The following DISC1 variants were observed in gnomAD, a reference collection of about 807,000 sequenced individuals.
The protein encoded by DISC1 is DISC1 scaffold protein.
DISC1 carries 57 observed loss-of-function variants against 84.5 expected under a neutral mutation model. The ratio of observed to expected loss-of-function variants is 0.67; its 90% CI spans 0.55 to 0.84. The LOEUF is 0.84. Among genes scored for constraint, DISC1 ranks in the 40% least tolerant of loss-of-function variants. The probability of loss-of-function intolerance (pLI) is 0.00; values close to 1 mark genes in which losing one functional copy is unlikely to be tolerated. For synonymous variants in DISC1, 411 were observed against 415.2 expected (o/e 0.99, Z 0.12); for missense variants, 1,000 against 1,057.8 (o/e 0.95, Z 0.76).
At chr1:232,027,934 A>T (rs1669631043) in intron 12 of DISC1, among the ~76,000 whole-genome samples, 1 of 152,026 alleles carries the variant, frequency 6.6e-6, no homozygotes, top group African/African-American at 2.4e-5. Flanking sequence ...TTATAACTTT[A>T]CATTTTTGAC....
At position 231,955,767 on chromosome 1, in the gene DISC1, G is replaced by A. The variant is rs142149915; in HGVS notation, c.1982-3061G>A. 3.6e-3 allele frequency among the ~76,000 whole-genome samples: 546 copies of A among 152,218 alleles called. 6 individuals carry two copies. Among genetic ancestry groups the A allele is most frequent in the African/African-American group, 0.013 (533 of 41,532 alleles). On this transcript the variant is annotated intron_variant, in intron 9 of 12. Coordinates refer to ENST00000439617, the MANE Select transcript of DISC1 (RefSeq NM_018662.3). ...AGCCTCCCAAAGTGCTGGGATTACA[G>A]GTGTGAGCTACCGCACCCAGCCAAC...
At chr1:231,855,745 T>A (rs1346981146) in intron 9 of DISC1, among the ~76,000 whole-genome samples, 1 of 152,208 alleles carries the variant, frequency 6.6e-6, no homozygotes, top group Non-Finnish European at 1.5e-5. Flanking sequence ...TTCTCTTCAG[T>A]TGGTCCATTT....
intron 9 of DISC1, among the ~76,000 whole-genome samples, chr1:231,824,552 G>A (rs1269486380): frequency 6.6e-6 from 1 of 152,102 alleles, no homozygotes; most frequent in Non-Finnish European, 1.5e-5. Context: ...CTATTAGTGT[G>A]ATTATTTCCC....
intron 5 of DISC1, among the ~76,000 whole-genome samples, chr1:231,770,467 G>A (rs2076465585): frequency 6.6e-6 from 1 of 152,094 alleles, no homozygotes; most frequent in Admixed American, 6.5e-5. Flanking sequence ...GTCTGTGGCT[G>A]GGGTAACCTG....
intron 6 of DISC1, among the ~76,000 whole-genome samples, chr1:231,780,070 C>T (rs2077284998): frequency 6.6e-6 from 1 of 151,508 alleles, no homozygotes; most frequent in Non-Finnish European, 1.5e-5. Flanking sequence ...GGGAATATCA[C>T]ACTCTGGGGA....
At chr1:231,904,676 A>G in intron 9 of DISC1, among the ~76,000 whole-genome samples, 1 of 151,948 alleles carries the variant, frequency 6.6e-6, no homozygotes, top group African/African-American at 2.4e-5. Flanking sequence ...AACAATGAAC[A>G]CCCCTAGAAT....
Position 231,694,267 on chromosome 1 carries a change from G to T in DISC1, c.509G>T (p.Arg170Leu), listed in dbSNP as rs760289681. The change falls in exon 2 of 13, where the codon CGT (arginine) becomes CTT (leucine). Residue 170 changes from arginine (R) to leucine (L), a missense_variant. Physicochemically the swap from Arg to Leu is moderately radical, Grantham distance 102. Around this residue, in one of 3 missense-constraint regions of DISC1, gnomAD observed 292 missense variants for 280.2 expected, o/e 1.04. Transcript: ENST00000439617. ...WEAACSDGAR[R>L]VRAAGSLPSA... is the part of the protein sequence containing the mutation. ...GCAGCCTGCAGCGATGGAGCAAGGC[G>T]TGTCCGGGCAGCAGGCTCTCTGCCA... 2 of 1,614,266 alleles carry T rather than the reference G, an allele frequency of 1.2e-6. No individual in the cohort carries two copies. Among genetic ancestry groups the T allele is most frequent in the Non-Finnish European group, 1.7e-6 (2 of 1,180,048 alleles).
intron 8 of DISC1, among the ~76,000 whole-genome samples, chr1:231,809,261 T>C (rs1429129186): frequency 1.3e-5 from 2 of 152,172 alleles, no homozygotes. Flanking sequence ...CCTTAGAATT[T>C]ATAGGAACCA....
At chr1:231,789,252 G>A (rs1232332846) in intron 6 of DISC1, among the ~76,000 whole-genome samples, 4 of 152,172 alleles carry the variant, frequency 2.6e-5, no homozygotes, top group Admixed American at 1.3e-4. Context: ...GGGGCAGAAG[G>A]TCAAGGCAGT....
At chr1:231,739,523 G>A (rs2072970447) in intron 3 of DISC1, among the ~76,000 whole-genome samples, 1 of 152,184 alleles carries the variant, frequency 6.6e-6, no homozygotes, top group African/African-American at 2.4e-5. Flanking sequence ...CCACCTGTGT[G>A]CTCCTGTACA....
At chr1:231,932,946 C>A (rs2090758698) in intron 9 of DISC1, among the ~76,000 whole-genome samples, 1 of 152,056 alleles carries the variant, frequency 6.6e-6, no homozygotes, top group Non-Finnish European at 1.5e-5. Context: ...AAACTGAAGC[C>A]CAATTTATAC....
chr1:231,991,036 G>A (rs958382422), intron 10 of DISC1, among the ~76,000 whole-genome samples: 1 of 152,244 alleles, frequency 6.6e-6, no homozygotes, highest in African/African-American at 2.4e-5. Context: ...GTGCCAAGCA[G>A]CATGGCTTAT....
intron 9 of DISC1, among the ~76,000 whole-genome samples, chr1:231,928,217 G>A (rs772108710): frequency 6.6e-6 from 1 of 152,204 alleles, no homozygotes; most frequent in Non-Finnish European, 1.5e-5. Flanking sequence ...AAACTGGAGA[G>A]GCAAGGCACA....
chr1:231,637,250 T>C (rs187323180), intron 1 of DISC1, among the ~76,000 whole-genome samples: 3 of 152,336 alleles, frequency 2.0e-5, no homozygotes, highest in African/African-American at 7.2e-5. Flanking sequence ...TTGTACATAG[T>C]GCTGCAGTAA....
chr1:231,737,592 T>C (rs2072678180), intron 3 of DISC1, among the ~76,000 whole-genome samples: 1 of 152,184 alleles, frequency 6.6e-6, no homozygotes, highest in Non-Finnish European at 1.5e-5. Context: ...GGAGGTTTTC[T>C]TAAAGGCACA....
intron 9 of DISC1, among the ~76,000 whole-genome samples, chr1:231,921,010 G>A (rs559091076): frequency 2.7e-5 from 4 of 150,712 alleles, no homozygotes; most frequent in Admixed American, 1.3e-4. Context: ...GGGTTCAAGC[G>A]ATTCCCCTGC....
At chr1:231,979,190 A>G (rs1267125290) in intron 10 of DISC1, among the ~76,000 whole-genome samples, 1 of 151,998 alleles carries the variant, frequency 6.6e-6, no homozygotes, top group Non-Finnish European at 1.5e-5. Flanking sequence ...AGTTGCAGGA[A>G]AACAAGTTCA....
In DISC1 at chr1:232,031,294, A is replaced by AGGAAGGAAGGAG. The variant is rs1339962020; in HGVS notation, c.2425+4743_2425+4754dup. ...AGAAAGAAAAAGAAAGAAAAGAGGA[A>AGGAAGGAAGGAG]GGAAGGAAGGAGAGAGGGAAGGAGA... On this transcript the variant is annotated intron_variant, in intron 12 of 12. Coordinates refer to ENST00000439617, the MANE Select transcript of DISC1 (RefSeq NM_018662.3). This position sits in a 1 kb window ranked among gnomAD's most constrained non-coding sequence, Gnocchi z 4.6. Among the ~76,000 whole-genome samples the AGGAAGGAAGGAG allele has an allele frequency of 2.1e-5, 3 of 142,028 alleles. No individual in the cohort carries two copies. Among genetic ancestry groups the AGGAAGGAAGGAG allele is most frequent in the African/African-American group, 5.2e-5 (2 of 38,542 alleles). 93.2% of individuals were successfully genotyped at this position (142,028 alleles called of 152,430 possible). A position where few individuals can be genotyped will look rare whatever the true frequency, so the allele number is the denominator to read the frequency against.
At chr1:231,691,637 C>T (rs1311113782) in intron 1 of DISC1, among the ~76,000 whole-genome samples, 1 of 152,198 alleles carries the variant, frequency 6.6e-6, no homozygotes, top group Non-Finnish European at 1.5e-5. Context: ...ATAGGTTTCA[C>T]TGGACTCATT....
Sources: allele counts gnomAD v4.1 joint callset (sites outside exome capture counted in the v4.1 genomes callset), GRCh38; gene constraint gnomAD v4.1.1; regional missense constraint gnomAD v4.1.1; non-coding constraint Gnocchi (gnomAD v3.1); transcripts MANE v1.5; gene names NCBI Gene and HGNC (gene_info 2026-07-23, HGNC 2026-07-21).